The following ZNF500 variants were observed in gnomAD, a reference collection of about 807,000 sequenced individuals.
ZNF500 encodes zinc finger protein 500, also known as zinc finger protein with KRAB and SCAN domains 18.
Under a neutral mutation model 30.1 loss-of-function variants are expected in ZNF500, and 31 were observed. The observed-to-expected ratio is 1.03, with a 90% confidence interval of 0.77 to 1.39. The LOEUF (loss-of-function observed/expected upper bound fraction) is 1.39. Among genes scored for constraint, ZNF500 ranks in the 40% most tolerant of loss-of-function variants. The probability of loss-of-function intolerance (pLI) is 0.00; values close to 1 mark genes in which losing one functional copy is unlikely to be tolerated. For missense variants in ZNF500, 817 were observed against 657.8 expected (o/e 1.24, Z -2.65); for synonymous variants, 392 against 282.0 (o/e 1.39, Z -3.91).
chr16:4,752,007 G>A lies in ZNF500; in HGVS notation c.*369C>T. ...GGGGTTGGGACGTGGGGATGAGGCT[G>A]TATGCCAGCAGCCACTGGATGCTGG... is the stretch of plus-strand genomic sequence containing the variant. On this transcript the variant is annotated 3_prime_UTR_variant, in exon 6 of 6. Coordinates refer to ENST00000219478, the MANE Select transcript of ZNF500 (RefSeq NM_021646.4). 1 of 1,142,284 alleles carries A rather than the reference G, an allele frequency of 8.8e-7. No homozygotes were observed. Among genetic ancestry groups the A allele is most frequent in the Non-Finnish European group, 1.1e-6 (1 of 891,758 alleles). 70.8% of individuals were successfully genotyped at this position (1,142,284 alleles called of 1,614,324 possible).
At position 4,752,710 on chromosome 16, in the gene ZNF500, G is replaced by A. The variant is rs768811067; in HGVS notation, c.1109C>T (p.Thr370Met). The change falls in exon 6 of 6, where the codon ACG (threonine) becomes ATG (methionine). Residue 370 changes from threonine (T) to methionine (M), a missense_variant. By Grantham distance (81) the Thr-to-Met change is moderately conservative. Coordinates refer to ENST00000219478, the MANE Select transcript of ZNF500 (RefSeq NM_021646.4). ...CTCGCCTGTGTGCACCCTCTGGTGC[G>A]TGCTGAAGTTGGAGCGGTCGCTAAA... ...KGFSDRSNFSTHQRVHTGEKP... is the reference protein window; with the variant it reads ...KGFSDRSNFSMHQRVHTGEKP... 8 of 1,614,082 alleles carry A rather than the reference G, an allele frequency of 5.0e-6. No individual in the cohort carries two copies. The South Asian group carries it at 5.5e-5, about 11-fold the overall frequency.
intron 5 of ZNF500, among the ~76,000 whole-genome samples, chr16:4,753,576 C>G (rs1017793565): frequency 1.3e-5 from 2 of 152,220 alleles, no homozygotes; most frequent in African/African-American, 4.8e-5. Context: ...CCGAGGCACA[C>G]AAGTGTTAAG....
rs2082067162 is a variant in ZNF500 at position 4,750,536 on chromosome 16, T to C, written c.*1840A>G. 1 of 150,610 alleles carries C rather than the reference T, an allele frequency of 6.6e-6. No homozygotes were observed. The highest frequency in any genetic ancestry group is 1.5e-5 in the Non-Finnish European group (1 of 67,846). 9.3% of individuals were successfully genotyped at this position (150,610 alleles called of 1,614,324 possible). On this transcript the variant is annotated 3_prime_UTR_variant, in exon 6 of 6. Coordinates refer to ENST00000219478, the MANE Select transcript of ZNF500 (RefSeq NM_021646.4). Reference sequence around the variant, plus strand: ...GTGGAGTCTCGTTCTATCACCAGGCTGGAGTACAACGGTGCGACCTCGGCT... The same window carrying C: ...GTGGAGTCTCGTTCTATCACCAGGCCGGAGTACAACGGTGCGACCTCGGCT...
chr16:4,745,652 C>A (rs1044697875), downstream of ZNF500, among the ~76,000 whole-genome samples: 2 of 152,192 alleles, frequency 1.3e-5, no homozygotes, highest in Admixed American at 1.3e-4. Flanking sequence ...AAGTACCTAA[C>A]AGAAGTGGCT....
At chr16:4,747,075 T>C (rs893016094), downstream of ZNF500, 4 of 1,471,862 alleles carry the variant, frequency 2.7e-6, no homozygotes, top group Non-Finnish European at 2.7e-6. Flanking sequence ...ACCTCTGCTT[T>C]CTGCAGCAAG....
chr16:4,755,512 T>C (rs1269304923), intron 5 of ZNF500, among the ~76,000 whole-genome samples: 1 of 152,018 alleles, frequency 6.6e-6, no homozygotes, highest in Non-Finnish European at 1.5e-5. Context: ...AGAAAGAGTT[T>C]CACCATGTTG....
At chr16:4,744,787 C>T (rs546182143), downstream of ZNF500, 4 of 1,489,072 alleles carry the variant, frequency 2.7e-6, no homozygotes, top group Non-Finnish European at 3.7e-6. Context: ...TGTGGAGACC[C>T]CAGGGGTCCT....
intron 4 of ZNF500, among the ~76,000 whole-genome samples, chr16:4,761,707 C>T (rs1177691842): frequency 6.7e-6 from 1 of 150,246 alleles, no homozygotes; most frequent in Non-Finnish European, 1.5e-5. Flanking sequence ...AAAAAAACAA[C>T]TAGCCGGGTG....
chr16:4,760,694 C>T (rs961660300), intron 4 of ZNF500, 106 bp from the exon 5 acceptor site: 9 of 985,352 alleles, frequency 9.1e-6, no homozygotes, highest in East Asian at 5.1e-5. Flanking sequence ...TCGAGGCTGG[C>T]GCCAAGCCTG....
In ZNF500 at chr16:4,763,694, C is replaced by T. The variant is rs531624769; in HGVS notation, c.415-938G>A. On this transcript the variant is annotated intron_variant, in intron 2 of 5. Coordinates refer to ENST00000219478, the MANE Select transcript of ZNF500 (RefSeq NM_021646.4). The stretch of plus-strand genomic sequence containing the variant: ...CCATGAGGCATGTGTGCAGAGGTGT[C>T]GGTGCAGTGACAGAAGGAAGCCATG... 56 of 984,968 alleles carry T rather than the reference C, an allele frequency of 5.7e-5. 1 individual carries two copies. The highest frequency in any genetic ancestry group is 4.9e-4 in the Admixed American group (8 of 16,188). 61.0% of individuals were successfully genotyped at this position (984,968 alleles called of 1,614,324 possible).
Position 4,762,305 on chromosome 16 carries a change from G to T in ZNF500, c.629C>A (p.Ala210Glu). The change falls in exon 4 of 6, where the codon GCG (alanine) becomes GAG (glutamate). Residue 210 changes from alanine to glutamate, a missense_variant. By Grantham distance (107) the Ala-to-Glu change is moderately radical. Coordinates refer to ENST00000219478, the MANE Select transcript of ZNF500 (RefSeq NM_021646.4). ...GGCCGAAAGGAAGGGCGAGGCTGAC[G>T]CCATCTCCTGATGCCGGGGAGCTGG... is the stretch of plus-strand genomic sequence containing the variant. ...GPPAPRHQEM[A>E]SASPFLSAWS... 6.2e-7 allele frequency: 1 copy of T among 1,610,710 alleles called. No homozygotes were observed. Among genetic ancestry groups the T allele is most frequent in the South Asian group, 1.1e-5 (1 of 90,430 alleles).
At chr16:4,758,306 G>C (rs1160881072) in intron 5 of ZNF500, 1 of 152,182 alleles carries the variant, frequency 6.6e-6, no homozygotes, top group East Asian at 1.9e-4. Context: ...ACACATGCCT[G>C]TGACCCTGAG....
chr16:4,764,238 C>T (rs2082238066), intron 2 of ZNF500: 1 of 302,924 alleles, frequency 3.3e-6, no homozygotes, highest in Non-Finnish European at 4.8e-6. Context: ...TAACATTCTA[C>T]ACAGTGGCCG....
intron 5 of ZNF500, among the ~76,000 whole-genome samples, chr16:4,753,634 T>C (rs1293509888): frequency 3.3e-5 from 5 of 152,178 alleles, no homozygotes; most frequent in African/African-American, 1.2e-4. Flanking sequence ...GTGAGGGCCA[T>C]CAAGCTCTGC....
intron 1 of ZNF500, 22 bp from the exon 2 acceptor site, chr16:4,766,098 A>C: frequency 4.0e-6 from 5 of 1,249,568 alleles, no homozygotes; most frequent in African/African-American, 1.5e-5. Context: ...CGATAAAACC[A>C]TCTGAAGGGC....
chr16:4,763,773 G>A, intron 2 of ZNF500: 1 of 985,408 alleles, frequency 1.0e-6, no homozygotes, highest in Non-Finnish European at 1.2e-6. Flanking sequence ...CTGGCCGGCT[G>A]GGAAGAAACC....
At chr16:4,764,766 G>A (rs4786546) in intron 2 of ZNF500, among the ~76,000 whole-genome samples, 83,149 of 148,580 alleles carry the variant, frequency 0.56, 23,775 homozygotes, top group East Asian at 0.65. Flanking sequence ...TGGGCGACAG[G>A]GCGAGACTCC....
In ZNF500 at chr16:4,750,345, C is replaced by G. The variant is rs1392756139; in HGVS notation, c.*2031G>C. On this transcript the variant is annotated 3_prime_UTR_variant, in exon 6 of 6. Coordinates refer to ENST00000219478, the MANE Select transcript of ZNF500 (RefSeq NM_021646.4). ...TTAAAAAAAAAATTGTTTATTTTAT[C>G]TGAGACAGGATCTCACTCTGTCTTC... The G allele has an allele frequency of 6.6e-6, 1 of 152,368 alleles. No homozygotes were observed. The highest frequency in any genetic ancestry group is 2.4e-5 in the African/African-American group (1 of 41,570). 9.4% of individuals were successfully genotyped at this position (152,368 alleles called of 1,614,324 possible). A position where few individuals can be genotyped will look rare whatever the true frequency, so the allele number is the denominator to read the frequency against.
rs80003190 is a variant in ZNF500 at position 4,753,499 on chromosome 16, G to A, written c.761-441C>T. 5.3e-3 allele frequency among the ~76,000 whole-genome samples: 812 copies of A among 152,232 alleles called. 52 individuals carry two copies. In the East Asian group the frequency reaches 0.14, roughly 26 times the overall value. Reference sequence around the variant, plus strand: ...ATCAATAAAACAAACAAAGAGGAACGCACTTGACCATCACAATAACCCAGT... The same window carrying A: ...ATCAATAAAACAAACAAAGAGGAACACACTTGACCATCACAATAACCCAGT... On this transcript the variant is annotated intron_variant, in intron 5 of 5. Transcript: ENST00000219478.
Sources: allele counts gnomAD v4.1 joint callset (sites outside exome capture counted in the v4.1 genomes callset), GRCh38; gene constraint gnomAD v4.1.1; transcripts MANE v1.5; gene names NCBI Gene and HGNC (gene_info 2026-07-23, HGNC 2026-07-21).